DNAI4: variants seen among roughly 807,000 people sequenced by gnomAD.
DNAI4 encodes WD repeat domain 78.
Under a neutral mutation model 105.8 loss-of-function variants are expected in DNAI4, and 85 were observed. The ratio of observed to expected loss-of-function variants is 0.80; its 90% CI spans 0.67 to 0.96. DNAI4 has a LOEUF of 0.96. Among genes scored for constraint, DNAI4 ranks in the 40% least tolerant of loss-of-function variants. DNAI4 has a pLI of 0.00. For missense variants in DNAI4, 1,014 were observed against 1,005.6 expected (o/e 1.01, Z -0.11); for synonymous variants, 352 against 331.5 (o/e 1.06, Z -0.67).
Position 66,837,795 on chromosome 1 carries a change from T to C in DNAI4, c.1496A>G (p.Asp499Gly), listed in dbSNP as rs1017541394. 4 of 1,597,416 alleles carry C rather than the reference T, an allele frequency of 2.5e-6. No individual in the cohort carries two copies. In the Admixed American group the frequency reaches 7.2e-5, roughly 29 times the overall value. ...GTGCCCATAGCCAACAGCCAAAAGA[T>C]CCTGAAAACCAGAAAAATACATTTA... is the stretch of plus-strand genomic sequence containing the variant. ...SSLAWNKTNP[D>G]LLAVGYGHFG... is the part of the protein sequence containing the mutation. The change falls in exon 10 of 17, where the codon GAT becomes GGT. Residue 499 changes from aspartate (D) to glycine (G), a missense_variant and splice_region_variant. By Grantham distance (94) the Asp-to-Gly change is moderately conservative (BLOSUM62 -1). Coordinates refer to ENST00000371026, the MANE Select transcript of DNAI4 (RefSeq NM_024763.5).
At chr1:66,881,991 C>A in intron 4 of DNAI4, among the ~76,000 whole-genome samples, 1 of 152,188 alleles carries the variant, frequency 6.6e-6, no homozygotes, top group East Asian at 1.9e-4. Context: ...TTTCCCTGAA[C>A]AACCTCTCTT....
At chr1:66,816,748 C>T (rs1645526910) in intron 16 of DNAI4, among the ~76,000 whole-genome samples, 2 of 150,762 alleles carry the variant, frequency 1.3e-5, no homozygotes, top group African/African-American at 2.4e-5. Flanking sequence ...CACACACACA[C>T]ACACACACAC....
intron 8 of DNAI4, among the ~76,000 whole-genome samples, chr1:66,844,553 ACT>A (rs1646229547): frequency 6.6e-6 from 1 of 151,996 alleles, no homozygotes; most frequent in South Asian, 2.1e-4. Flanking sequence ...AGAGAGTAAG[ACT>A]CTGTCTCAAA....
intron 1 of DNAI4, among the ~76,000 whole-genome samples, chr1:66,909,203 T>G (rs539147869): frequency 1.1e-3 from 167 of 152,094 alleles, no homozygotes; most frequent in Non-Finnish European, 1.5e-3. Context: ...CACCTGTCTT[T>G]CCAGCTATCA....
At chr1:66,906,380 C>A (rs566731617) in intron 1 of DNAI4, among the ~76,000 whole-genome samples, 1 of 152,116 alleles carries the variant, frequency 6.6e-6, no homozygotes, top group East Asian at 1.9e-4. Flanking sequence ...GGGGATGAGC[C>A]TCCCTGAGAT....
In DNAI4 at chr1:66,833,569, G is replaced by C. The variant is rs974138186; in HGVS notation, c.2013+16C>G. 1 of 1,611,324 alleles carries C rather than the reference G, an allele frequency of 6.2e-7. No homozygotes were observed. Among genetic ancestry groups the C allele is most frequent in the Admixed American group, 1.7e-5 (1 of 59,402 alleles). ...AATTGTTATGTCCAGTGGTAAATAAGAGTGAAATAATTTACCTTGGGATGA... is the reference window on the plus strand; with the variant it reads ...AATTGTTATGTCCAGTGGTAAATAACAGTGAAATAATTTACCTTGGGATGA... On this transcript the variant is annotated intron_variant, in intron 13 of 16. Coordinates refer to ENST00000371026, the MANE Select transcript of DNAI4 (RefSeq NM_024763.5).
chr1:66,908,537 C>T (rs1005473290), intron 1 of DNAI4, among the ~76,000 whole-genome samples: 3 of 152,204 alleles, frequency 2.0e-5, no homozygotes, highest in African/African-American at 4.8e-5. Context: ...TCTGGGTAGT[C>T]CCCTGTGGTG....
At chr1:66,897,055 T>C (rs1648395582) in intron 2 of DNAI4, among the ~76,000 whole-genome samples, 1 of 151,848 alleles carries the variant, frequency 6.6e-6, no homozygotes, top group Non-Finnish European at 1.5e-5. Flanking sequence ...CTAGAGAAAG[T>C]CTGAATCTTT....
Position 66,826,944 on chromosome 1 carries a change from G to A in DNAI4, c.2215C>T (p.Pro739Ser), listed in dbSNP as rs757705956. The A allele has an allele frequency of 3.7e-6, 6 of 1,613,930 alleles. No homozygotes were observed. Among genetic ancestry groups the A allele is most frequent in the Non-Finnish European group, 5.1e-6 (6 of 1,180,018 alleles). The change falls in exon 15 of 17, where the codon CCA (proline) becomes TCA (serine). Residue 739 changes from proline (P) to serine (S), a missense_variant. By Grantham distance (74) the Pro-to-Ser change is moderately conservative. Transcript: ENST00000371026. ...GTAGCTGGATAAAAACTCAAAGATG[G>A]CTTGACATTCTCCTGTTGCCATATA... ...VIIWQQENVK[P>S]SLSFYPATSV...
rs1448401648 is a variant in DNAI4, at chr1:66,813,145, T to G, written c.*985A>C. ...ACTGTTGCACTGATTCCAGTCTTGGTTTTTAATATATACATATTTTTTTTC... is the reference window on the plus strand; with the variant it reads ...ACTGTTGCACTGATTCCAGTCTTGGGTTTTAATATATACATATTTTTTTTC... On this transcript the variant is annotated 3_prime_UTR_variant, in exon 17 of 17. Coordinates refer to ENST00000371026, the MANE Select transcript of DNAI4 (RefSeq NM_024763.5). The G allele has an allele frequency of 2.0e-5, 3 of 152,350 alleles. No homozygotes were observed. The highest frequency in any genetic ancestry group is 7.2e-5 in the African/African-American group (3 of 41,456). The allele number at this position is 152,350 out of a possible 1,614,324, so 9.4% of individuals were successfully genotyped here. A position where few individuals can be genotyped will look rare whatever the true frequency, so the allele number is the denominator to read the frequency against.
rs770013831 is a variant in DNAI4 at position 66,826,887 on chromosome 1, T to C, written c.2272A>G (p.Lys758Glu). The change falls in exon 15 of 17, where the codon AAA becomes GAA. Residue 758 changes from lysine (K) to glutamate (E), a missense_variant. Physicochemically the swap from Lys to Glu is moderately conservative, Grantham distance 56. Transcript: ENST00000371026. ...SVVYDVAWSP[K>E]SSYIFAAANE... is the part of the protein sequence containing the mutation. ...GCAGCTGCAAATATATAGGATGATT[T>C]TGGAGACCAGGCAACGTCGTAAACA... The C allele has an allele frequency of 1.9e-6, 3 of 1,614,042 alleles. No individual in the cohort carries two copies. The highest frequency in any genetic ancestry group is 2.2e-5 in the East Asian group (1 of 44,872).
intron 7 of DNAI4, among the ~76,000 whole-genome samples, chr1:66,849,705 C>T (rs1274655564): frequency 6.6e-6 from 1 of 151,846 alleles, no homozygotes; most frequent in Non-Finnish European, 1.5e-5. Flanking sequence ...AAAGTCTTAG[C>T]TAATGAATAG....
At position 66,826,995 on chromosome 1, in the gene DNAI4, T is replaced by G; in HGVS notation, c.2164A>C (p.Ser722Arg). 1 of 1,614,040 alleles carries G rather than the reference T, an allele frequency of 6.2e-7. No homozygotes were observed. The highest frequency in any genetic ancestry group is 1.3e-5 in the African/African-American group (1 of 74,994). Reference protein sequence around the residue: ...WNPFCHDVFLSCSADWGVIIW... With the variant: ...WNPFCHDVFLRCSADWGVIIW... ...ATAACACCCCAATCTGCAGAACAGC[T>G]TAAAAATACATCATGACAAAATGGA... The change falls in exon 15 of 17, where the codon AGC (serine) becomes CGC (arginine). Residue 722 changes from serine to arginine, a missense_variant. Ser to Arg is a moderately radical substitution (Grantham distance 110). Coordinates refer to ENST00000371026, the MANE Select transcript of DNAI4 (RefSeq NM_024763.5).
chr1:66,872,859 C>T (rs112135072), intron 5 of DNAI4, among the ~76,000 whole-genome samples: 4 of 151,602 alleles, frequency 2.6e-5, no homozygotes, highest in African/African-American at 9.7e-5. Context: ...ATTACAGGTG[C>T]CCACCACCAT....
chr1:66,846,693 G>C (rs1476804221), intron 8 of DNAI4, among the ~76,000 whole-genome samples: 2 of 152,126 alleles, frequency 1.3e-5, no homozygotes, highest in Non-Finnish European at 2.9e-5. Flanking sequence ...TTTTTTGAGT[G>C]GTTTAGGATA....
At position 66,813,920 on chromosome 1, in the gene DNAI4, A is replaced by G; in HGVS notation, c.*210T>C. On this transcript the variant is annotated 3_prime_UTR_variant, in exon 17 of 17. Transcript: ENST00000371026. ...GGAATATCTTTAGAAAAATTAAGAA[A>G]ATTCCACTGAAACTCTTAAGAATAA... 1 of 450,586 alleles carries G rather than the reference A, an allele frequency of 2.2e-6. No homozygotes were observed. The highest frequency in any genetic ancestry group is 4.6e-5 in the South Asian group (1 of 21,932). The allele number at this position is 450,586 out of a possible 1,614,324, so 27.9% of individuals were successfully genotyped here.
At position 66,862,265 on chromosome 1, in the gene DNAI4, G is replaced by A. The variant is rs35197578; in HGVS notation, c.978C>T (p.Tyr326=). The A allele has an allele frequency of 2.5e-6, 4 of 1,610,138 alleles. No homozygotes were observed. In the African/African-American group the frequency reaches 5.4e-5, roughly 22 times the overall value. ...MSTAWDLYDS[Y]NAMELVSLSV... Reference sequence around the variant, plus strand: ...ATAAAGATACAAGTTCCATAGCATTGTAAGAATCATACAAATCCCAGGCAG... The same window carrying A: ...ATAAAGATACAAGTTCCATAGCATTATAAGAATCATACAAATCCCAGGCAG... Residue 326 remains tyrosine (Y), a synonymous_variant, in exon 7 of 17, where the codon TAC becomes TAT. Coordinates refer to ENST00000371026, the MANE Select transcript of DNAI4 (RefSeq NM_024763.5).
chr1:66,893,107 A>AAGAAAG (rs1218038212), intron 3 of DNAI4, 122 bp downstream of exon 3: 7 of 479,064 alleles, frequency 1.5e-5, no homozygotes, highest in Non-Finnish European at 2.4e-5. Context: ...GAAAGAAAGA[A>AAGAAAG]AGAAAGAAAG....
At chr1:66,854,140 C>T (rs1646451895) in intron 7 of DNAI4, among the ~76,000 whole-genome samples, 1 of 152,132 alleles carries the variant, frequency 6.6e-6, no homozygotes, top group African/African-American at 2.4e-5. Context: ...GCCTGTAACC[C>T]CAGCACTTTG....
Sources: allele counts gnomAD v4.1 joint callset (sites outside exome capture counted in the v4.1 genomes callset), GRCh38; gene constraint gnomAD v4.1.1; transcripts MANE v1.5; gene names NCBI Gene and HGNC (gene_info 2026-07-23, HGNC 2026-07-21).